The following PTPRQ variants were observed in gnomAD, a reference collection of about 807,000 sequenced individuals.
The protein encoded by PTPRQ is protein tyrosine phosphatase receptor type Q.
Under a neutral mutation model 246.0 loss-of-function variants are expected in PTPRQ, and 199 were observed. The ratio of observed to expected loss-of-function variants is 0.81; its 90% CI spans 0.72 to 0.91. The LOEUF is 0.91. Ranked by LOEUF, PTPRQ falls within the 40% of genes least tolerant of loss-of-function variation. The pLI is 0.00. For missense variants in PTPRQ, 2,624 were observed against 2,528.4 expected (o/e 1.04, Z -0.81); for synonymous variants, 869 against 853.2 (o/e 1.02, Z -0.32).
chr12:80,472,011 C>T lies in PTPRQ; in HGVS notation c.1040-94C>T, dbSNP rs1592548964. On this transcript the variant is annotated intron_variant, in intron 7 of 44. Transcript: ENST00000644991. ...TAACAAATTTTAGTGCATAGGTTAA[C>T]ACTTGAATTGTTGTCTTTGGCTCTG... 2.1e-6 allele frequency: 3 copies of T among 1,462,004 alleles called. No homozygotes were observed. In the East Asian group the frequency reaches 7.5e-5, roughly 36 times the overall value. The allele number at this position is 1,462,004 out of a possible 1,614,324, so 90.6% of individuals were successfully genotyped here.
chr12:80,599,573 T>A, intron 26 of PTPRQ, among the ~76,000 whole-genome samples: 1 of 151,884 alleles, frequency 6.6e-6, no homozygotes, highest in Admixed American at 6.6e-5. Flanking sequence ...CACCCTTATG[T>A]GACACTAGTA....
At position 80,616,204 on chromosome 12, in the gene PTPRQ, A is replaced by C. The variant is rs1295254386; in HGVS notation, c.5168A>C (p.Tyr1723Ser). 1 of 1,478,044 alleles carries C rather than the reference A, an allele frequency of 6.8e-7. No individual in the cohort carries two copies. The highest frequency in any genetic ancestry group is 2.4e-5 in the Admixed American group (1 of 42,240). The allele number at this position is 1,478,044 out of a possible 1,614,324, so 91.6% of individuals were successfully genotyped here. A position where few individuals can be genotyped will look rare whatever the true frequency, so the allele number is the denominator to read the frequency against. Residue 1723 changes from tyrosine (Y) to serine (S), a missense_variant, in exon 30 of 45, where the codon TAC (tyrosine) becomes TCC (serine). Tyr to Ser is a moderately radical substitution (Grantham distance 144). Transcript: ENST00000644991. ...KGGHTYNISV[Y>S]AVNSAGAGPK... ...ACAAATATTTGTTTGTTTTAGGTTTACGCAGTCAATAGTGCTGGTGCAGGT... is the reference window on the plus strand; with the variant it reads ...ACAAATATTTGTTTGTTTTAGGTTTCCGCAGTCAATAGTGCTGGTGCAGGT...
chr12:80,621,384 TG>T (rs1337265765), intron 32 of PTPRQ, among the ~76,000 whole-genome samples: 2 of 151,956 alleles, frequency 1.3e-5, no homozygotes, highest in Non-Finnish European at 2.9e-5. Context: ...AATTTTATAA[TG>T]GTAGAGGTTC....
At chr12:80,647,221 T>A (rs1226708033) in intron 35 of PTPRQ, among the ~76,000 whole-genome samples, 1 of 152,172 alleles carries the variant, frequency 6.6e-6, no homozygotes, top group Non-Finnish European at 1.5e-5. Flanking sequence ...TCATATATAT[T>A]GTGCTTAAAT....
intron 8 of PTPRQ, among the ~76,000 whole-genome samples, chr12:80,481,596 C>G (rs941141877): frequency 3.8e-4 from 58 of 152,098 alleles, no homozygotes; most frequent in African/African-American, 1.4e-3. Context: ...TCCCTGCTTG[C>G]AGATGACATG....
At chr12:80,582,729 A>C (rs1264048325) in intron 25 of PTPRQ, among the ~76,000 whole-genome samples, 1 of 152,050 alleles carries the variant, frequency 6.6e-6, no homozygotes, top group Non-Finnish European at 1.5e-5. Context: ...TAAGACAGTC[A>C]CTCTAGATAT....
intron 26 of PTPRQ, 66 bp from the exon 27 acceptor site, chr12:80,604,993 C>T: frequency 7.2e-7 from 1 of 1,384,440 alleles, no homozygotes; most frequent in Non-Finnish European, 9.4e-7. Flanking sequence ...ATGGTCTTTT[C>T]TATTATTGTG....
chr12:80,600,400 A>G (rs1271471968), intron 26 of PTPRQ, among the ~76,000 whole-genome samples: 1 of 151,824 alleles, frequency 6.6e-6, no homozygotes, highest in Admixed American at 6.6e-5. Context: ...GCTGGCATAC[A>G]GACACACTCA....
rs192863764 is a variant in PTPRQ, at chr12:80,444,269, C to G, written c.-77C>G. On this transcript the variant is annotated 5_prime_UTR_variant, in exon 1 of 45. Transcript: ENST00000644991. ...TTGTGTACTTGCCAGAAGGATCTGT[C>G]TTTAAATCATTAATGCAGGCAACAT... The G allele has an allele frequency of 2.0e-3, 1,492 of 752,238 alleles. 4 individuals are homozygous for G. The highest frequency in any genetic ancestry group is 3.1e-3 in the Non-Finnish European group (1,336 of 435,208). The allele number at this position is 752,238 out of a possible 1,614,324, so 46.6% of individuals were successfully genotyped here. A position where few individuals can be genotyped will look rare whatever the true frequency, so the allele number is the denominator to read the frequency against.
chr12:80,663,208 G>A (rs1458909468), intron 39 of PTPRQ, among the ~76,000 whole-genome samples: 1 of 151,732 alleles, frequency 6.6e-6, no homozygotes, highest in Non-Finnish European at 1.5e-5. Flanking sequence ...ATCATATAAT[G>A]TTAGTTTTGT....
At chr12:80,449,705 G>A (rs140691461) in intron 3 of PTPRQ, among the ~76,000 whole-genome samples, 9 of 151,826 alleles carry the variant, frequency 5.9e-5, no homozygotes, top group South Asian at 2.1e-4. Context: ...GCATGATTTC[G>A]GAGGGCTCTG....
At position 80,678,986 on chromosome 12, in the gene PTPRQ, G is replaced by A; in HGVS notation, c.6863G>A (p.Gly2288Asp). Residue 2288 changes from glycine (G) to aspartate (D), a missense_variant and splice_region_variant, in exon 45 of 45, where the codon GGT (glycine) becomes GAT (aspartate). Transcript: ENST00000644991. ...TGTAACATGTTACTTTCTGTTATAG[G>A]TGATGTTGAGCTTGAATGGGAAGAA... Reference protein sequence around the residue: ...QKMDSLDAMEGDVELEWEETT... With the variant: ...QKMDSLDAMEDDVELEWEETT... 1 of 1,546,088 alleles carries A rather than the reference G, an allele frequency of 6.5e-7. No individual in the cohort carries two copies.
At chr12:80,528,839 T>G (rs1895765274) in intron 17 of PTPRQ, among the ~76,000 whole-genome samples, 1 of 152,212 alleles carries the variant, frequency 6.6e-6, no homozygotes, top group African/African-American at 2.4e-5. Flanking sequence ...TATGGATTAT[T>G]AGTGTATGCT....
chr12:80,463,991 C>A (rs28759776), intron 6 of PTPRQ, among the ~76,000 whole-genome samples: 23 of 151,814 alleles, frequency 1.5e-4, no homozygotes, highest in South Asian at 4.2e-4. Flanking sequence ...TAACATCATA[C>A]TGACAGGTTC....
intron 37 of PTPRQ, 104 bp downstream of exon 37, chr12:80,649,773 T>C: frequency 7.1e-7 from 1 of 1,406,978 alleles, no homozygotes; most frequent in Non-Finnish European, 9.3e-7. Context: ...GACTCTGGCC[T>C]TGATAATCAA....
intron 19 of PTPRQ, among the ~76,000 whole-genome samples, chr12:80,535,353 G>A (rs1459161909): frequency 1.3e-5 from 2 of 152,002 alleles, no homozygotes; most frequent in Admixed American, 1.3e-4. Flanking sequence ...TCCAATAAGT[G>A]TTCTCTAAAG....
intron 16 of PTPRQ, 22 bp from the exon 17 acceptor site, chr12:80,510,301 A>G: frequency 6.5e-7 from 1 of 1,527,202 alleles, no homozygotes; most frequent in Non-Finnish European, 8.8e-7. Context: ...AAAACACATT[A>G]TTCTATACCC....
Position 80,460,922 on chromosome 12 carries a change from G to T in PTPRQ, c.910+20G>T. The stretch of plus-strand genomic sequence containing the variant: ...AATCAGGTATGGTTCACTTTTTGTA[G>T]ATAAAAAGATTTAAATGATTAGAGA... On this transcript the variant is annotated intron_variant, in intron 6 of 44. Coordinates refer to ENST00000644991, the MANE Select transcript of PTPRQ (RefSeq NM_001145026.2). 1 of 400,142 alleles carries T rather than the reference G, an allele frequency of 2.5e-6. No individual in the cohort carries two copies. Among genetic ancestry groups the T allele is most frequent in the South Asian group, 1.3e-4 (1 of 7,706 alleles). The allele number at this position is 400,142 out of a possible 1,614,324, so 24.8% of individuals were successfully genotyped here.
intron 35 of PTPRQ, among the ~76,000 whole-genome samples, chr12:80,642,833 T>G (rs925897186): frequency 2.2e-5 from 3 of 138,632 alleles, no homozygotes; most frequent in African/African-American, 8.2e-5. Context: ...GGCAGGAGAA[T>G]GGCGTGAACC....
Sources: gnomAD v4.1 joint callset for allele counts (sites outside exome capture counted in the v4.1 genomes callset) on GRCh38, gnomAD v4.1.1 for gene constraint, MANE v1.5 for transcripts, NCBI Gene and HGNC (gene_info 2026-07-23, HGNC 2026-07-21) for gene names.